DOP1A: variants seen among roughly 807,000 people sequenced by gnomAD.
DOP1A encodes the protein DOP1 leucine zipper like protein A, also known as protein DOP1A.
In DOP1A, 90 loss-of-function variants were observed where a neutral mutation model predicts 267.6. The observed-to-expected ratio is 0.34, with a 90% CI of 0.28 to 0.40. The LOEUF (loss-of-function observed/expected upper bound fraction) is 0.40, where lower values mean the gene tolerates loss of function less well. DOP1A is among the 10% of genes least tolerant of loss of function. DOP1A has a pLI of 1.00. For missense variants in DOP1A, 2,437 were observed against 2,900.4 expected, an observed-to-expected ratio of 0.84 and a Z score of 3.67; for synonymous variants, 932 against 999.1, an observed-to-expected ratio of 0.93 and a Z score of 1.27.
At chr6:83,102,760 C>T (rs1286603942) in intron 4 of DOP1A, among the ~76,000 whole-genome samples, 6 of 152,202 alleles carry the variant, frequency 3.9e-5, no homozygotes, top group South Asian at 2.1e-4. Flanking sequence ...CAGCACACTT[C>T]AGAAAAATTA....
intron 1 of DOP1A, among the ~76,000 whole-genome samples, chr6:83,087,158 G>T (rs950882445): frequency 3.3e-5 from 5 of 152,106 alleles, no homozygotes; most frequent in African/African-American, 1.2e-4. Context: ...CAGATTTGTT[G>T]GAGGGAAGGT....
chr6:83,167,658 A>G (rs1441849523), intron 38 of DOP1A: 3 of 1,340,058 alleles, frequency 2.2e-6, no homozygotes, highest in Non-Finnish European at 2.9e-6. Context: ...TATTACTACA[A>G]TGTTAGACTG....
At chr6:83,073,758 A>G (rs1173586087) in intron 1 of DOP1A, among the ~76,000 whole-genome samples, 1 of 152,154 alleles carries the variant, frequency 6.6e-6, no homozygotes, top group Non-Finnish European at 1.5e-5. Context: ...TCACTTTCGA[A>G]GTGGCTCACT....
At chr6:83,148,510 G>A (rs1015167971) in intron 26 of DOP1A, among the ~76,000 whole-genome samples, 12 of 152,278 alleles carry the variant, frequency 7.9e-5, no homozygotes, top group African/African-American at 1.7e-4. Flanking sequence ...CAAAGCAGGT[G>A]GATCGCTTGA....
chr6:83,112,179 A>T (rs1324317532), intron 6 of DOP1A, among the ~76,000 whole-genome samples: 2 of 152,182 alleles, frequency 1.3e-5, no homozygotes, highest in Non-Finnish European at 2.9e-5. Flanking sequence ...TCAAAGGAGT[A>T]TTCTTTCTAA....
rs963854970 is a variant in DOP1A at position 83,166,419 on chromosome 6, G to A, written c.7093-1443G>A. On this transcript the variant is annotated intron_variant, in intron 38 of 38. Coordinates refer to ENST00000349129, the MANE Select transcript of DOP1A (RefSeq NM_015018.4). ...ACTGTATGTTCATTAGCAGTTCCTGGGCCAAATGCATTGTTGATGTTGTGT... is the reference window on the plus strand; with the variant it reads ...ACTGTATGTTCATTAGCAGTTCCTGAGCCAAATGCATTGTTGATGTTGTGT... 3 of 701,680 alleles carry A rather than the reference G, an allele frequency of 4.3e-6. No homozygotes were observed. The African/African-American group carries it at 5.2e-5, about 12-fold the overall frequency. The allele number at this position is 701,680 out of a possible 1,614,324, so 43.5% of individuals were successfully genotyped here. A position where few individuals can be genotyped will look rare whatever the true frequency, so the allele number is the denominator to read the frequency against.
chr6:83,162,756 C>G (rs1784531922), intron 37 of DOP1A, 34 bp from the exon 38 acceptor site: 2 of 1,580,428 alleles, frequency 1.3e-6, no homozygotes, highest in Non-Finnish European at 1.7e-6. Context: ...CAAAGTCTGT[C>G]TTACTGATGC....
chr6:83,122,193 T>C, intron 11 of DOP1A, 143 bp downstream of exon 11: 1 of 848,944 alleles, frequency 1.2e-6, no homozygotes. Flanking sequence ...GTAAAGCTGA[T>C]TTAATACTGA....
At chr6:83,073,607 AG>A (rs1785977207) in intron 1 of DOP1A, among the ~76,000 whole-genome samples, 1 of 151,952 alleles carries the variant, frequency 6.6e-6, no homozygotes, top group African/African-American at 2.4e-5. Flanking sequence ...ACTGTTGTTA[AG>A]TTATCTATTG....
chr6:83,097,165 T>G lies in DOP1A; in HGVS notation c.138+50T>G, dbSNP rs1352938631. On this transcript the variant is annotated intron_variant, in intron 3 of 38. Transcript: ENST00000349129. ...AAAAGGAGTAAAAATTAGAAATCTG[T>G]GTTTGTACTTGTTAGATTTCTCGAA... is the stretch of plus-strand genomic sequence containing the variant. 7 of 1,548,546 alleles carry G rather than the reference T, an allele frequency of 4.5e-6. No individual in the cohort carries two copies. The African/African-American group carries it at 9.7e-5, about 21-fold the overall frequency.
chr6:83,170,515 A>T, downstream of DOP1A: 2 of 1,540,524 alleles, frequency 1.3e-6, no homozygotes, highest in Non-Finnish European at 1.8e-6. Context: ...ACTCTATTAC[A>T]CTTCCTTTCA....
intron 1 of DOP1A, among the ~76,000 whole-genome samples, chr6:83,091,575 G>A (rs1315805452): frequency 6.6e-6 from 1 of 151,998 alleles, no homozygotes; most frequent in African/African-American, 2.4e-5. Flanking sequence ...TACAGACATA[G>A]CTGGTCATTA....
Position 83,159,831 on chromosome 6 carries a change from C to T in DOP1A, c.6833C>T (p.Thr2278Met), listed in dbSNP as rs754031065. The T allele has an allele frequency of 3.1e-6, 5 of 1,614,138 alleles. No individual in the cohort carries two copies. Among genetic ancestry groups the T allele is most frequent in the East Asian group, 2.2e-5 (1 of 44,868 alleles). Residue 2278 changes from threonine (T) to methionine (M), a missense_variant, in exon 37 of 39, where the codon ACG becomes ATG. By Grantham distance (81) the Thr-to-Met change is moderately conservative. Coordinates refer to ENST00000349129, the MANE Select transcript of DOP1A (RefSeq NM_015018.4). Reference sequence around the variant, plus strand: ...CCCTCTGTGGCTGGTCTGGAGACAACGTACACAGGAGGTAATGGCTTCTCT... The same window carrying T: ...CCCTCTGTGGCTGGTCTGGAGACAATGTACACAGGAGGTAATGGCTTCTCT... ...SGPSVAGLET[T>M]YTGGNGFSTS...
At chr6:83,094,990 C>T (rs1434727143) in intron 1 of DOP1A, among the ~76,000 whole-genome samples, 4 of 152,014 alleles carry the variant, frequency 2.6e-5, no homozygotes, top group South Asian at 2.1e-4. Flanking sequence ...TGGGGTGCAG[C>T]GGCGTGATCT....
rs760652560 is a variant in DOP1A at position 83,138,810 on chromosome 6, A to G, written c.4768A>G (p.Ile1590Val). ...ACTTCTTAAGGTGCTTCAGAGGCTGATTGTTCTAGAACACAGAGTAATGAC... is the reference window on the plus strand; with the variant it reads ...ACTTCTTAAGGTGCTTCAGAGGCTGGTTGTTCTAGAACACAGAGTAATGAC... ...SQLLKVLQRLIVLEHRVMTIP... is the reference protein window; with the variant it reads ...SQLLKVLQRLVVLEHRVMTIP... The change falls in exon 21 of 39, where the codon ATT (isoleucine) becomes GTT (valine). Residue 1590 changes from isoleucine (I) to valine (V), a missense_variant. Physicochemically the swap from Ile to Val is conservative, Grantham distance 29 (BLOSUM62 3). Around this residue, in one of 9 missense-constraint regions of DOP1A, gnomAD observed 878 missense variants for 992.9 expected, o/e 0.88. Transcript: ENST00000349129. The G allele has an allele frequency of 4.3e-6, 7 of 1,613,890 alleles. No homozygotes were observed. The Admixed American group carries it at 5.0e-5, about 12-fold the overall frequency.
chr6:83,075,510 A>G (rs1345960828), intron 1 of DOP1A, among the ~76,000 whole-genome samples: 1 of 152,230 alleles, frequency 6.6e-6, no homozygotes, highest in Non-Finnish European at 1.5e-5. Context: ...CTGAAGGATA[A>G]GTAGGTACTT....
At chr6:83,078,718 A>G (rs2128009785) in intron 1 of DOP1A, among the ~76,000 whole-genome samples, 1 of 152,288 alleles carries the variant, frequency 6.6e-6, no homozygotes, top group Middle Eastern at 3.4e-3. Context: ...AGGTGTAGTA[A>G]CAGTTTATGG....
At chr6:83,099,521 A>G (rs917552583) in intron 3 of DOP1A, among the ~76,000 whole-genome samples, 1 of 152,104 alleles carries the variant, frequency 6.6e-6, no homozygotes, top group South Asian at 2.1e-4. Context: ...TCATTAAATG[A>G]TGGAAATTAA....
chr6:83,075,764 A>G (rs1365953742), intron 1 of DOP1A, among the ~76,000 whole-genome samples: 5 of 152,210 alleles, frequency 3.3e-5, no homozygotes, highest in South Asian at 2.1e-4. Flanking sequence ...TCTTCACCAG[A>G]TAGTGTTGGG....
Sources: allele counts gnomAD v4.1 joint callset (sites outside exome capture counted in the v4.1 genomes callset), GRCh38; gene constraint gnomAD v4.1.1; regional missense constraint gnomAD v4.1.1; transcripts MANE v1.5; gene names NCBI Gene and HGNC (gene_info 2026-07-23, HGNC 2026-07-21).